The following AKT2 variants were observed in gnomAD, a reference collection of about 807,000 sequenced individuals.
The protein encoded by AKT2 is RAC-beta serine/threonine-protein kinase.
A neutral mutation model predicts 58.6 loss-of-function variants in AKT2; 16 were observed. That is an observed-to-expected ratio of 0.27 (90% CI 0.18 to 0.41). The LOEUF is 0.41. AKT2 is among the 10% of genes least tolerant of loss of function. The pLI, the probability that AKT2 is intolerant of heterozygous loss-of-function variation, is 1.00. For synonymous variants in AKT2, 253 were observed against 254.0 expected (o/e 1.00, Z 0.04); for missense variants, 438 against 661.0 (o/e 0.66, Z 3.70).
chr19:40,233,738 TGAA>T lies in AKT2; in HGVS notation c.*131_*133del, dbSNP rs780310742. Reference sequence around the variant, plus strand: ...CGCTGGGGTGCGTCTGGGAGGGGCCTGAAGAAGAACTGGAAAGGGGGTGAGGAG... The same window carrying T: ...CGCTGGGGTGCGTCTGGGAGGGGCCTGAAGAACTGGAAAGGGGGTGAGGAG... On this transcript the variant is annotated 3_prime_UTR_variant, in exon 14 of 14. Coordinates refer to ENST00000392038, the MANE Select transcript of AKT2 (RefSeq NM_001626.6). The surrounding 1 kb of genome is among the most constrained non-coding windows in gnomAD (Gnocchi z 4.3). 33 of 797,746 alleles carry T rather than the reference TGAA, an allele frequency of 4.1e-5. No individual in the cohort carries two copies. The East Asian group carries it at 4.5e-4, about 11-fold the overall frequency. The allele number at this position is 797,746 out of a possible 1,614,324, so 49.4% of individuals were successfully genotyped here.
At position 40,232,579 on chromosome 19, in the gene AKT2, C is replaced by T. The variant is rs909032864; in HGVS notation, c.*1293G>A. 16 of 233,138 alleles carry T rather than the reference C, an allele frequency of 6.9e-5. No homozygotes were observed. Among genetic ancestry groups the T allele is most frequent in the Non-Finnish European group, 1.1e-4 (13 of 118,154 alleles). The allele number at this position is 233,138 out of a possible 1,614,324, so 14.4% of individuals were successfully genotyped here. ...GAGGTGTTGCTACAGGGAGGGGAGGCGTGGGCAGGGCAGCTCATGGATCAC... is the reference window on the plus strand; with the variant it reads ...GAGGTGTTGCTACAGGGAGGGGAGGTGTGGGCAGGGCAGCTCATGGATCAC... On this transcript the variant is annotated 3_prime_UTR_variant, in exon 14 of 14. Coordinates refer to ENST00000392038, the MANE Select transcript of AKT2 (RefSeq NM_001626.6).
intron 6 of AKT2, chr19:40,241,361 T>C (rs928301681): frequency 5.7e-6 from 1 of 175,380 alleles, no homozygotes; most frequent in Non-Finnish European, 1.2e-5. Context: ...TGTTCAAGTA[T>C]GGATGAGTGA....
At position 40,241,891 on chromosome 19, in the gene AKT2, C is replaced by T. The variant is rs41306976; in HGVS notation, c.573+47G>A. The T allele has an allele frequency of 1.5e-3, 2,449 of 1,612,900 alleles. 3 individuals are homozygous for T. The highest frequency in any genetic ancestry group is 1.9e-3 in the Non-Finnish European group (2,266 of 1,179,762). On this transcript the variant is annotated intron_variant, in intron 6 of 13. Transcript: ENST00000392038. ...CCAGGCCTCAGGGTCAGGCTCCAGA[C>T]CGCAGCCCCCACAGAGGCTCGCGAG...
intron 1 of AKT2, chr19:40,273,459 G>C (rs2077253482): frequency 6.9e-6 from 1 of 145,106 alleles, no homozygotes; most frequent in Admixed American, 7.1e-5. Context: ...TTGGTGAGAA[G>C]GTGGCACTGA....
chr19:40,235,434 T>A lies in AKT2; in HGVS notation c.1176-84A>T. On this transcript the variant is annotated intron_variant, in intron 11 of 13. Coordinates refer to ENST00000392038, the MANE Select transcript of AKT2 (RefSeq NM_001626.6). This position sits in a 1 kb window ranked among gnomAD's most constrained non-coding sequence, Gnocchi z 6.3. ...GCTTTCGGAGCAGGCAGGCCCTGTA[T>A]GGCCCTTAATGATTCTGTCTTGACC... The A allele has an allele frequency of 3.4e-6, 4 of 1,185,386 alleles. No individual in the cohort carries two copies. The highest frequency in any genetic ancestry group is 5.0e-6 in the Non-Finnish European group (4 of 803,142). The allele number at this position is 1,185,386 out of a possible 1,614,324, so 73.4% of individuals were successfully genotyped here. A position where few individuals can be genotyped will look rare whatever the true frequency, so the allele number is the denominator to read the frequency against.
At chr19:40,262,477 G>A (rs549370606) in intron 2 of AKT2, among the ~76,000 whole-genome samples, 1 of 152,332 alleles carries the variant, frequency 6.6e-6, no homozygotes, top group South Asian at 2.1e-4. Context: ...GAGGGCAGGT[G>A]CTCTGCTAAT....
intron 2 of AKT2, among the ~76,000 whole-genome samples, chr19:40,258,807 A>G (rs1343219114): frequency 6.6e-6 from 1 of 152,206 alleles, no homozygotes; most frequent in Non-Finnish European, 1.5e-5. Flanking sequence ...AGAAGACAAT[A>G]TTGTTAAGAT....
At chr19:40,236,446 T>C (rs1216103591) in intron 9 of AKT2, 61 bp from the exon 10 acceptor site, 4 of 1,611,008 alleles carry the variant, frequency 2.5e-6, no homozygotes, top group Non-Finnish European at 3.4e-6. Context: ...CACCCCAGCC[T>C]TTCCTTCCAG....
rs796807604 is a variant in AKT2 at position 40,262,244 on chromosome 19, G to GA, written c.46+2977dup. On this transcript the variant is annotated intron_variant, in intron 2 of 13. Coordinates refer to ENST00000392038, the MANE Select transcript of AKT2 (RefSeq NM_001626.6). Reference sequence around the variant, plus strand: ...CAATATAGCAAGACCATATATCTATGAAAAAAAAAAAAAGACAAAAAACAG... The same window carrying GA: ...CAATATAGCAAGACCATATATCTATGAAAAAAAAAAAAAAGACAAAAAACAG... 4.4e-3 allele frequency among the ~76,000 whole-genome samples: 583 copies of GA among 133,166 alleles called. 3 individuals are homozygous for GA. The highest frequency in any genetic ancestry group is 9.8e-3 in the South Asian group (42 of 4,270). The allele number at this position is 133,166 out of a possible 152,430, so 87.4% of individuals were successfully genotyped here.
Position 40,234,038 on chromosome 19 carries a change from TGGCG to T in AKT2, c.1367-91_1367-88del. On this transcript the variant is annotated intron_variant, in intron 13 of 13. Coordinates refer to ENST00000392038, the MANE Select transcript of AKT2 (RefSeq NM_001626.6). The surrounding 1 kb of genome is among the most constrained non-coding windows in gnomAD (Gnocchi z 4.7). ...GACTCCCTGGGGAAACGGCCCCAGCTGGCGGGGGCTGCCCACAGGACAGGACAGG... is the reference window on the plus strand; with the variant it reads ...GACTCCCTGGGGAAACGGCCCCAGCTGGGGCTGCCCACAGGACAGGACAGG... The T allele has an allele frequency of 4.4e-6, 6 of 1,352,488 alleles. No individual in the cohort carries two copies. Among genetic ancestry groups the T allele is most frequent in the Non-Finnish European group, 6.1e-6 (6 of 977,470 alleles). The allele number at this position is 1,352,488 out of a possible 1,614,324, so 83.8% of individuals were successfully genotyped here.
rs751163436 is a variant in AKT2, at chr19:40,233,379, G to C, written c.*493C>G. 3.0e-5 allele frequency: 13 copies of C among 431,136 alleles called. No individual in the cohort carries two copies. The highest frequency in any genetic ancestry group is 5.7e-5 in the Non-Finnish European group (13 of 227,592). The allele number at this position is 431,136 out of a possible 1,614,324, so 26.7% of individuals were successfully genotyped here. On this transcript the variant is annotated 3_prime_UTR_variant, in exon 14 of 14. Transcript: ENST00000392038. The surrounding 1 kb of genome is among the most constrained non-coding windows in gnomAD (Gnocchi z 4.3). ...TTTTCTGCCCCCATAGGGGGACAGC[G>C]GGTGGGGGATTGGACCGCCCCGTGC...
intron 1 of AKT2, among the ~76,000 whole-genome samples, chr19:40,278,403 GCGAACTACTCA>G (rs2077364602): frequency 6.6e-6 from 1 of 152,146 alleles, no homozygotes; most frequent in South Asian, 2.1e-4. Context: ...GCACTGAGAG[GCGAACTACTCA>G]CGAGAATGAC....
intron 7 of AKT2, 39 bp downstream of exon 7, chr19:40,240,006 G>A: frequency 6.3e-7 from 1 of 1,598,156 alleles, no homozygotes; most frequent in Admixed American, 1.7e-5. Flanking sequence ...CTGTCCAAAG[G>A]CTGGCCTCAC....
chr19:40,237,083 G>A lies in AKT2; in HGVS notation c.832-698C>T, dbSNP rs1435804084. The stretch of plus-strand genomic sequence containing the variant: ...CACCTCCTCTGTGCGGCTTTCCCTC[G>A]ACATTAGCCTATGAGACGCGTCCAC... On this transcript the variant is annotated intron_variant, in intron 9 of 13. Coordinates refer to ENST00000392038, the MANE Select transcript of AKT2 (RefSeq NM_001626.6). This position sits in a 1 kb window ranked among gnomAD's most constrained non-coding sequence, Gnocchi z 4.5. The A allele has an allele frequency of 1.9e-5, 3 of 157,678 alleles. No individual in the cohort carries two copies. Among genetic ancestry groups the A allele is most frequent in the Non-Finnish European group, 2.8e-5 (2 of 71,488 alleles). The allele number at this position is 157,678 out of a possible 1,614,324, so 9.8% of individuals were successfully genotyped here.
intron 1 of AKT2, among the ~76,000 whole-genome samples, chr19:40,275,682 T>A (rs937598023): frequency 6.7e-6 from 1 of 148,906 alleles, no homozygotes; most frequent in Admixed American, 6.9e-5. Flanking sequence ...TTTTCTTTAA[T>A]TGTAATTAAT....
At chr19:40,282,679 G>T (rs1469303299) in intron 1 of AKT2, 1 of 370,516 alleles carries the variant, frequency 2.7e-6, no homozygotes, top group Admixed American at 3.7e-5. Flanking sequence ...ATGGCACTAG[G>T]GGCTCAGTGA....
chr19:40,238,779 G>A lies in AKT2; in HGVS notation c.708+126C>T, dbSNP rs941670028. 2.9e-6 allele frequency: 3 copies of A among 1,034,880 alleles called. No homozygotes were observed. In the Admixed American group the frequency reaches 5.2e-5, roughly 18 times the overall value. 64.1% of individuals were successfully genotyped at this position (1,034,880 alleles called of 1,614,324 possible). ...GGAGACGAAGCCGCCTGCCTCAAGG[G>A]AGAGGGGCACTAGATGACACTGAAA... On this transcript the variant is annotated intron_variant, in intron 8 of 13. Coordinates refer to ENST00000392038, the MANE Select transcript of AKT2 (RefSeq NM_001626.6). This position sits in a 1 kb window ranked among gnomAD's most constrained non-coding sequence, Gnocchi z 5.1.
rs547087991 is a variant in AKT2, at chr19:40,230,777, G to A, written c.*3095C>T. On this transcript the variant is annotated 3_prime_UTR_variant, in exon 14 of 14. Transcript: ENST00000392038. ...TTGTCCCAGGCTGCAGTGCAGTGCC[G>A]CAATCATAGCTCACTGCAGCCTCAA... 16 of 194,252 alleles carry A rather than the reference G, an allele frequency of 8.2e-5. No individual in the cohort carries two copies. The highest frequency in any genetic ancestry group is 1.1e-4 in the Non-Finnish European group (10 of 93,940). The allele number at this position is 194,252 out of a possible 1,614,324, so 12.0% of individuals were successfully genotyped here. A position where few individuals can be genotyped will look rare whatever the true frequency, so the allele number is the denominator to read the frequency against.
In AKT2 at chr19:40,242,103, G is replaced by T. The variant is rs374649599; in HGVS notation, c.442-34C>A. The T allele has an allele frequency of 6.2e-7, 1 of 1,613,716 alleles. No homozygotes were observed. ...GACAGGGAGAGTGGGGGCAGTCAGC[G>T]CCTGGCTCATGGCCCGTGGGAGGAA... On this transcript the variant is annotated intron_variant, in intron 5 of 13. Coordinates refer to ENST00000392038, the MANE Select transcript of AKT2 (RefSeq NM_001626.6). This position sits in a 1 kb window ranked among gnomAD's most constrained non-coding sequence, Gnocchi z 4.3.
Sources: allele counts gnomAD v4.1 joint callset (sites outside exome capture counted in the v4.1 genomes callset), GRCh38; gene constraint gnomAD v4.1.1; non-coding constraint Gnocchi (gnomAD v3.1); transcripts MANE v1.5; gene names NCBI Gene and HGNC (gene_info 2026-07-23, HGNC 2026-07-21).